The following TXNL4A variants were observed in gnomAD, a reference collection of about 807,000 sequenced individuals.
The protein encoded by TXNL4A is thioredoxin-like protein 4A.
TXNL4A carries 17 observed loss-of-function variants against 14.6 expected under a neutral mutation model. The ratio of observed to expected loss-of-function variants is 1.16; its 90% CI spans 0.80 to 1.74. TXNL4A has a LOEUF of 1.74. Ranked by LOEUF, TXNL4A falls within the 40% of genes most tolerant of loss-of-function variation. The pLI, the probability that TXNL4A is intolerant of heterozygous loss-of-function variation, is 0.00. For missense variants in TXNL4A, 74 were observed against 195.2 expected (o/e 0.38, Z 3.70); for synonymous variants, 83 against 70.6 (o/e 1.18, Z -0.88).
At chr18:80,031,578 G>A (rs573501434) in intron 1 of TXNL4A, among the ~76,000 whole-genome samples, 2 of 152,348 alleles carry the variant, frequency 1.3e-5, no homozygotes, top group South Asian at 2.1e-4. Context: ...AGCTATTGAA[G>A]ATGCTATATG....
chr18:79,978,962 G>A (rs1270391213), intron 1 of TXNL4A, among the ~76,000 whole-genome samples: 1 of 149,844 alleles, frequency 6.7e-6, no homozygotes, highest in African/African-American at 2.5e-5. Context: ...TTTTGAGACG[G>A]AGTCTCGATC....
chr18:79,994,343 G>A (rs533125562), intron 1 of TXNL4A, among the ~76,000 whole-genome samples: 4 of 152,258 alleles, frequency 2.6e-5, no homozygotes, highest in East Asian at 3.9e-4. Context: ...AGTAGCCAGC[G>A]GGGGGAAAGA....
chr18:80,002,243 A>G (rs2051702860), intron 1 of TXNL4A, among the ~76,000 whole-genome samples: 1 of 152,216 alleles, frequency 6.6e-6, no homozygotes, highest in Admixed American at 6.5e-5. Context: ...ACAATCCTGA[A>G]CCAGCAAACA....
intron 2 of TXNL4A, chr18:79,976,814 G>A: frequency 2.2e-6 from 1 of 453,170 alleles, no homozygotes; most frequent in African/African-American, 2.0e-5. Context: ...AGCATCAGAT[G>A]GTGATTTCTT....
rs116492833 is a variant in TXNL4A at position 80,009,378 on chromosome 18, G to T, written c.-61+24473C>A. ...ATATTTCACGGGGCGTTTATCCTCC[G>T]ACTTCACACGATTCAGGTGGTTAAT... On this transcript the variant is annotated intron_variant, in intron 1 of 2. Coordinates refer to the TXNL4A transcript ENST00000585474. Among the ~76,000 whole-genome samples, 860 of 152,152 alleles carry T rather than the reference G, an allele frequency of 5.7e-3. 9 individuals are homozygous for T. The highest frequency in any genetic ancestry group is 0.019 in the African/African-American group (791 of 41,494).
At chr18:80,008,791 CTTTT>C (rs372762027) in intron 1 of TXNL4A, among the ~76,000 whole-genome samples, 22 of 152,158 alleles carry the variant, frequency 1.4e-4, no homozygotes, top group East Asian at 3.9e-4. Flanking sequence ...TTCTTTCTTT[CTTTT>C]GAGATGGAGT....
intron 2 of TXNL4A, among the ~76,000 whole-genome samples, chr18:79,976,073 T>C (rs2051374829): frequency 6.6e-6 from 1 of 152,064 alleles, no homozygotes; most frequent in South Asian, 2.1e-4. Flanking sequence ...AGGAGGCACC[T>C]AGGAAGCCAA....
chr18:80,019,354 AC>A (rs1316442162), intron 1 of TXNL4A, among the ~76,000 whole-genome samples: 1 of 152,028 alleles, frequency 6.6e-6, no homozygotes, highest in African/African-American at 2.4e-5. Context: ...AAAAGCAAAA[AC>A]CCCTGATAAA....
At chr18:79,978,457 A>G (rs2051413015) in intron 1 of TXNL4A, among the ~76,000 whole-genome samples, 1 of 152,218 alleles carries the variant, frequency 6.6e-6, no homozygotes, top group East Asian at 1.9e-4. Flanking sequence ...TAAAAAGAAA[A>G]TAAGATCACC....
At position 80,015,380 on chromosome 18, in the gene TXNL4A, CTTTAAGT is replaced by C. The variant is rs1040784648; in HGVS notation, c.-61+18464_-61+18470del. On this transcript the variant is annotated intron_variant, in intron 1 of 2. Coordinates refer to the TXNL4A transcript ENST00000585474. Reference sequence around the variant, plus strand: ...AATTATTATTATTATTATTATTATACTTTAAGTTTTAGGGTACATGTGCACAATGTGC... The same window carrying C: ...AATTATTATTATTATTATTATTATACTTTAGGGTACATGTGCACAATGTGC... Among the ~76,000 whole-genome samples, 217 of 112,824 alleles carry C rather than the reference CTTTAAGT, an allele frequency of 1.9e-3. 1 individual carries two copies. Among genetic ancestry groups the C allele is most frequent in the African/African-American group, 6.4e-3 (210 of 33,036 alleles). The allele number at this position is 112,824 out of a possible 152,430, so 74.0% of individuals were successfully genotyped here.
intron 1 of TXNL4A, among the ~76,000 whole-genome samples, chr18:79,981,447 G>A (rs552182608): frequency 6.5e-4 from 99 of 152,312 alleles, no homozygotes; most frequent in Non-Finnish European, 8.4e-4. Flanking sequence ...TGAGGCGGGC[G>A]GATCACTTGA....
At chr18:79,996,419 A>G (rs1477467837) in intron 1 of TXNL4A, among the ~76,000 whole-genome samples, 1 of 152,172 alleles carries the variant, frequency 6.6e-6, no homozygotes, top group African/African-American at 2.4e-5. Flanking sequence ...AAACTCTCTC[A>G]TGTTTTAAGT....
intron 1 of TXNL4A, among the ~76,000 whole-genome samples, chr18:80,007,061 T>C (rs574460946): frequency 2.6e-4 from 40 of 152,344 alleles, no homozygotes; most frequent in African/African-American, 9.1e-4. Context: ...CATTCACCTA[T>C]GCAGGCTTCC....
chr18:79,976,719 G>A (rs543327534), intron 2 of TXNL4A: 10 of 453,184 alleles, frequency 2.2e-5, no homozygotes, highest in Middle Eastern at 3.3e-4. Flanking sequence ...CTTCCTTACC[G>A]AGTAGGAGGC....
At chr18:79,996,623 C>T (rs1443428809) in intron 1 of TXNL4A, among the ~76,000 whole-genome samples, 1 of 152,134 alleles carries the variant, frequency 6.6e-6, no homozygotes. Context: ...AGAATTGAAG[C>T]CAGGGACCAA....
intron 1 of TXNL4A, chr18:79,986,718 G>A (rs1368285364): frequency 4.1e-6 from 4 of 985,488 alleles, no homozygotes; most frequent in Non-Finnish European, 4.8e-6. Flanking sequence ...CCGGCAGCAG[G>A]ATCTGAACAC....
intron 1 of TXNL4A, among the ~76,000 whole-genome samples, chr18:79,981,771 C>G (rs1050137873): frequency 1.3e-5 from 2 of 152,244 alleles, no homozygotes; most frequent in Non-Finnish European, 2.9e-5. Flanking sequence ...CGGCCCACTG[C>G]ATCTAACCCG....
chr18:79,988,218 G>T, intron 1 of TXNL4A, 22 bp downstream of exon 1: 1 of 1,499,298 alleles, frequency 6.7e-7, no homozygotes, highest in South Asian at 1.3e-5. Context: ...AGCCCGCAGA[G>T]CGGGAGAGTC....
At chr18:79,991,001 G>C (rs1238019291), upstream of TXNL4A, among the ~76,000 whole-genome samples, 4 of 151,532 alleles carry the variant, frequency 2.6e-5, no homozygotes, top group Non-Finnish European at 5.9e-5. Flanking sequence ...CCAGCTACTC[G>C]GGAGGCTGAG....
Sources: gnomAD v4.1 joint callset for allele counts (sites outside exome capture counted in the v4.1 genomes callset) on GRCh38, gnomAD v4.1.1 for gene constraint, MANE v1.5 for transcripts, NCBI Gene and HGNC (gene_info 2026-07-23, HGNC 2026-07-21) for gene names.